The following RFT1 variants were observed in gnomAD, a reference collection of about 807,000 sequenced individuals.
RFT1 encodes man(5)GlcNAc(2)-PP-dolichol translocation protein RFT1.
Under a neutral mutation model 62.2 loss-of-function variants are expected in RFT1, and 43 were observed. That is an observed-to-expected ratio of 0.69 (90% CI 0.54 to 0.89). The LOEUF (loss-of-function observed/expected upper bound fraction) is 0.89. RFT1 is among the 40% of genes least tolerant of loss of function. RFT1 has a pLI of 0.00. For synonymous variants in RFT1, 262 were observed against 264.6 expected, an observed-to-expected ratio of 0.99 and a Z score of 0.10; for missense variants, 605 against 649.9, an observed-to-expected ratio of 0.93 and a Z score of 0.75.
intron 5 of RFT1, among the ~76,000 whole-genome samples, chr3:53,120,572 C>T (rs913051244): frequency 2.0e-5 from 3 of 152,198 alleles, no homozygotes; most frequent in African/African-American, 7.2e-5. Context: ...AGAGGGCCCA[C>T]CCCTCCCTCC....
the RFT1 span, among the ~76,000 whole-genome samples, chr3:53,083,200 C>CAAAAAAA: frequency 8.4e-4 from 33 of 39,380 alleles, no homozygotes; most frequent in African/African-American, 2.9e-3. Context: ...GATTCCATCT[C>CAAAAAAA]AAAAAAAAAA....
At chr3:53,112,782 T>C (rs2107137935) in intron 6 of RFT1, among the ~76,000 whole-genome samples, 1 of 152,148 alleles carries the variant, frequency 6.6e-6, no homozygotes, top group Admixed American at 6.5e-5. Flanking sequence ...CGGCACCAAA[T>C]GGCCCATTTC....
At chr3:53,125,792 T>G (rs1203078193) in intron 2 of RFT1, 117 bp downstream of exon 2, 24 of 790,028 alleles carry the variant, frequency 3.0e-5, no homozygotes, top group Non-Finnish European at 5.1e-5. Context: ...TAAGACATTC[T>G]GCTTCTGATA....
intron 10 of RFT1, among the ~76,000 whole-genome samples, chr3:53,099,995 A>C (rs529285405): frequency 2.0e-5 from 3 of 152,332 alleles, no homozygotes; most frequent in African/African-American, 7.2e-5. Flanking sequence ...CACACACACA[A>C]AAAAGAACAA....
chr3:53,092,265 G>C (rs1701012631), intron 12 of RFT1, 104 bp downstream of exon 12: 1 of 1,504,266 alleles, frequency 6.6e-7, no homozygotes, highest in South Asian at 1.2e-5. Context: ...TAGAGGCCTG[G>C]GGAGGGGACA....
downstream of RFT1, among the ~76,000 whole-genome samples, chr3:53,087,643 C>T (rs1405626464): frequency 2.0e-5 from 3 of 152,114 alleles, no homozygotes; most frequent in African/African-American, 7.2e-5. Context: ...GCACCTCAGC[C>T]TCCCGTATAG....
chr3:53,119,092 T>C (rs980943619), intron 6 of RFT1, among the ~76,000 whole-genome samples: 2 of 152,004 alleles, frequency 1.3e-5, no homozygotes, highest in African/African-American at 4.8e-5. Context: ...CATGTACCTG[T>C]AGTCCCAGCT....
At chr3:53,121,002 A>T (rs533266832) in intron 5 of RFT1, among the ~76,000 whole-genome samples, 1 of 152,342 alleles carries the variant, frequency 6.6e-6, no homozygotes, top group Admixed American at 6.5e-5. Context: ...ATAAATCATT[A>T]CTAAGAATCT....
At position 53,096,404 on chromosome 3, in the gene RFT1, G is replaced by A. The variant is rs542505215; in HGVS notation, c.1208+2977C>T. On this transcript the variant is annotated intron_variant, in intron 11 of 12. Coordinates refer to ENST00000296292, the MANE Select transcript of RFT1 (RefSeq NM_052859.4). ...TTATTAAAAAAAAAGCAACCAGGCC[G>A]GGCACGTTGGCTCACTCCTATAATC... Among the ~76,000 whole-genome samples the A allele has an allele frequency of 1.3e-4, 20 of 151,934 alleles. No individual in the cohort carries two copies. The East Asian group carries it at 2.3e-3, about 18-fold the overall frequency.
At chr3:53,124,209 G>T (rs1702048358) in intron 2 of RFT1, among the ~76,000 whole-genome samples, 1 of 152,160 alleles carries the variant, frequency 6.6e-6, no homozygotes, top group Non-Finnish European at 1.5e-5. Flanking sequence ...GTGACCGATG[G>T]CCCCTGTGAG....
the RFT1 span, among the ~76,000 whole-genome samples, chr3:53,075,854 C>T: frequency 6.6e-6 from 1 of 152,150 alleles, no homozygotes; most frequent in Non-Finnish European, 1.5e-5. Flanking sequence ...AAAAGTGGCC[C>T]CATCTGTGAT....
At chr3:53,095,104 A>G (rs982636977) in intron 11 of RFT1, among the ~76,000 whole-genome samples, 11 of 150,318 alleles carry the variant, frequency 7.3e-5, no homozygotes, top group African/African-American at 2.8e-4. Flanking sequence ...TGTCTCTACT[A>G]AAAATACAAA....
chr3:53,075,018 T>C, the RFT1 span, among the ~76,000 whole-genome samples: 4 of 152,138 alleles, frequency 2.6e-5, no homozygotes, highest in Non-Finnish European at 5.9e-5. Flanking sequence ...TAATACTGCA[T>C]GGCTCAGGCC....
At chr3:53,113,296 T>C (rs1362137729) in intron 6 of RFT1, among the ~76,000 whole-genome samples, 1 of 152,238 alleles carries the variant, frequency 6.6e-6, no homozygotes, top group Non-Finnish European at 1.5e-5. Context: ...ATTCCAGGCA[T>C]GAGCCACCAT....
chr3:53,076,623 T>A, the RFT1 span, among the ~76,000 whole-genome samples: 6 of 152,162 alleles, frequency 3.9e-5, no homozygotes, highest in African/African-American at 1.4e-4. Context: ...GAGAGGTGGC[T>A]ATCAGCTCAT....
chr3:53,083,915 A>G (rs1700806048), downstream of RFT1, among the ~76,000 whole-genome samples: 1 of 152,266 alleles, frequency 6.6e-6, no homozygotes, highest in Admixed American at 6.5e-5. Context: ...GTTCAGGAAC[A>G]TTAAACACAC....
chr3:53,126,541 G>T (rs1702116252), intron 1 of RFT1, among the ~76,000 whole-genome samples: 1 of 152,150 alleles, frequency 6.6e-6, no homozygotes. Context: ...TTAGAACATA[G>T]AAAATGTATT....
chr3:53,098,638 TA>T (rs1367862863), intron 11 of RFT1, among the ~76,000 whole-genome samples: 1 of 151,560 alleles, frequency 6.6e-6, no homozygotes, highest in Non-Finnish European at 1.5e-5. Context: ...CCATCTCTAC[TA>T]AAAATACAAA....
intron 10 of RFT1, among the ~76,000 whole-genome samples, chr3:53,102,110 G>A (rs1337799416): frequency 1.3e-5 from 2 of 152,080 alleles, no homozygotes; most frequent in African/African-American, 4.8e-5. Context: ...CGTGAAGAGC[G>A]CAAGGGGGAT....
Sources: allele counts gnomAD v4.1 joint callset (sites outside exome capture counted in the v4.1 genomes callset), GRCh38; gene constraint gnomAD v4.1.1; transcripts MANE v1.5; gene names NCBI Gene and HGNC (gene_info 2026-07-23, HGNC 2026-07-21).